Variants in FSHR observed in about 807,000 individuals in gnomAD.
FSHR encodes the protein follicle-stimulating hormone receptor.
A neutral mutation model predicts 52.1 loss-of-function variants in FSHR; 46 were observed. The observed-to-expected ratio is 0.88, with a 90% CI of 0.70 to 1.13. The LOEUF (loss-of-function observed/expected upper bound fraction) is 1.13. Among genes scored for constraint, FSHR ranks in the 50% most tolerant of loss-of-function variants. The probability of loss-of-function intolerance (pLI) is 0.00; values close to 1 mark genes in which losing one functional copy is unlikely to be tolerated. For missense variants in FSHR, 964 were observed against 834.6 expected, an observed-to-expected ratio of 1.16 and a Z score of -1.91; for synonymous variants, 399 against 309.6, an observed-to-expected ratio of 1.29 and a Z score of -3.03.
At chr2:49,059,069 G>C (rs764041898) in intron 2 of FSHR, among the ~76,000 whole-genome samples, 1 of 152,026 alleles carries the variant, frequency 6.6e-6, no homozygotes, top group African/African-American at 2.4e-5. Flanking sequence ...GCTGAGTATG[G>C]TGGCACATGC....
rs1300871282 is a variant in FSHR, at chr2:48,963,980, A to G, written c.855-14T>C. ...TGAAGCTCAGAGCTAGAAAAATACAAAAAGAAATAGAATCAACATCTCAGA... is the reference window on the plus strand; with the variant it reads ...TGAAGCTCAGAGCTAGAAAAATACAGAAAGAAATAGAATCAACATCTCAGA... On this transcript the variant is annotated splice_polypyrimidine_tract_variant and intron_variant, in intron 9 of 9. Coordinates refer to ENST00000406846, the MANE Select transcript of FSHR (RefSeq NM_000145.4). 6.2e-7 allele frequency: 1 copy of G among 1,609,596 alleles called. No homozygotes were observed. Among genetic ancestry groups the G allele is most frequent in the Non-Finnish European group, 8.5e-7 (1 of 1,178,980 alleles).
chr2:48,977,987 T>C (rs936730338), intron 8 of FSHR, among the ~76,000 whole-genome samples: 14 of 152,218 alleles, frequency 9.2e-5, no homozygotes, highest in Admixed American at 9.2e-4. Flanking sequence ...ACACATGCTA[T>C]ATTCAGATAG....
At chr2:49,112,247 A>G (rs558711075) in intron 1 of FSHR, among the ~76,000 whole-genome samples, 2 of 152,336 alleles carry the variant, frequency 1.3e-5, no homozygotes, top group South Asian at 4.1e-4. Context: ...ATGCATTATT[A>G]TAAGACAGTG....
Position 48,962,538 on chromosome 2 carries a change from A to AC in FSHR, c.*194_*195insG. ...TACAGTATTGCATTCTTTAATTATT[A>AC]TTGTTGTTACTAATAATTCAGCTTC... On this transcript the variant is annotated 3_prime_UTR_variant, in exon 10 of 10. Transcript: ENST00000406846. 3.3e-6 allele frequency: 2 copies of AC among 606,874 alleles called. No individual in the cohort carries two copies. The highest frequency in any genetic ancestry group is 3.9e-5 in the South Asian group (2 of 50,930). The allele number at this position is 606,874 out of a possible 1,614,324, so 37.6% of individuals were successfully genotyped here.
intron 2 of FSHR, among the ~76,000 whole-genome samples, chr2:49,054,647 C>T (rs112363823): frequency 3.3e-4 from 51 of 152,264 alleles, no homozygotes; most frequent in East Asian, 7.7e-4. Context: ...AGTTGGCCAA[C>T]GCACTGTGTG....
intron 4 of FSHR, among the ~76,000 whole-genome samples, chr2:49,012,182 C>T (rs957040230): frequency 6.6e-6 from 1 of 152,090 alleles, no homozygotes; most frequent in Non-Finnish European, 1.5e-5. Flanking sequence ...AGAGAAACAT[C>T]CAGCTGCCTG....
chr2:49,129,795 C>T (rs187661722), intron 1 of FSHR, among the ~76,000 whole-genome samples: 26 of 152,262 alleles, frequency 1.7e-4, no homozygotes, highest in Admixed American at 7.8e-4. Flanking sequence ...AATCCTGACG[C>T]GCCTTCAAAA....
intron 2 of FSHR, among the ~76,000 whole-genome samples, chr2:49,032,380 AT>A (rs2104258634): frequency 6.6e-6 from 1 of 152,214 alleles, no homozygotes; most frequent in East Asian, 1.9e-4. Context: ...CAGGCTCTCA[AT>A]TTTTATTTAG....
chr2:49,001,218 C>A (rs917292552), intron 4 of FSHR, among the ~76,000 whole-genome samples: 3 of 152,080 alleles, frequency 2.0e-5, no homozygotes, highest in Non-Finnish European at 4.4e-5. Context: ...GTATTAAAGT[C>A]ATTTAACGCT....
chr2:49,151,084 G>T (rs981489083), intron 1 of FSHR, among the ~76,000 whole-genome samples: 1 of 150,862 alleles, frequency 6.6e-6, no homozygotes, highest in Admixed American at 6.6e-5. Context: ...GTGAGTAGTT[G>T]CAAGAAGTGG....
intron 2 of FSHR, among the ~76,000 whole-genome samples, chr2:49,032,402 C>A (rs1668131070): frequency 6.6e-6 from 1 of 152,124 alleles, no homozygotes; most frequent in South Asian, 2.1e-4. Context: ...TTGGAGGGAG[C>A]AAGAATTAAC....
rs377397067 is a variant in FSHR, at chr2:49,068,224, C to T, written c.219G>A (p.Glu73=). 1.3e-5 allele frequency: 21 copies of T among 1,610,232 alleles called. No homozygotes were observed. Among genetic ancestry groups the T allele is most frequent in the Non-Finnish European group, 1.8e-5 (21 of 1,178,228 alleles). ...KGAFSGFGDL[E]KIEISQNDVL... is the part of the protein sequence containing the mutation. ...CAGCAGTGCTAGGTACATACATTTT[C>T]TCCAGGTCCCCAAATCCTGAAAATG... The change falls in exon 2 of 10, where the codon GAG becomes GAA. Residue 73 remains glutamate, a synonymous_variant. Coordinates refer to ENST00000406846, the MANE Select transcript of FSHR (RefSeq NM_000145.4).
intron 2 of FSHR, among the ~76,000 whole-genome samples, chr2:49,031,486 G>A (rs751728643): frequency 1.3e-5 from 2 of 151,920 alleles, no homozygotes; most frequent in Admixed American, 6.6e-5. Flanking sequence ...TTTTCAACAC[G>A]TAAAGTAACA....
intron 4 of FSHR, among the ~76,000 whole-genome samples, chr2:49,009,440 T>C (rs1217291599): frequency 6.6e-6 from 1 of 150,946 alleles, no homozygotes; most frequent in East Asian, 2.0e-4. Context: ...CCTTGTAGTA[T>C]AGTTTGAAGT....
chr2:49,096,830 TAGTG>T (rs1191345107), intron 1 of FSHR, among the ~76,000 whole-genome samples: 4 of 152,162 alleles, frequency 2.6e-5, no homozygotes, highest in Non-Finnish European at 5.9e-5. Context: ...GTCCTTGTGA[TAGTG>T]AGTAAGTTCT....
chr2:49,150,490 A>G (rs1296541284), intron 1 of FSHR, among the ~76,000 whole-genome samples: 1 of 152,124 alleles, frequency 6.6e-6, no homozygotes, highest in Non-Finnish European at 1.5e-5. Context: ...TAACAACATG[A>G]GAGATATTGT....
At chr2:49,058,548 A>C (rs566784777) in intron 2 of FSHR, among the ~76,000 whole-genome samples, 2 of 152,092 alleles carry the variant, frequency 1.3e-5, no homozygotes, top group East Asian at 3.9e-4. Context: ...CTGTTTCAAC[A>C]CCCTCCTCCC....
intron 1 of FSHR, among the ~76,000 whole-genome samples, chr2:49,123,164 G>A (rs1671877589): frequency 6.6e-6 from 1 of 152,128 alleles, no homozygotes; most frequent in African/African-American, 2.4e-5. Flanking sequence ...TGTTTTAAAA[G>A]GAATCATGAT....
At chr2:49,092,737 C>A (rs1199071264) in intron 1 of FSHR, among the ~76,000 whole-genome samples, 1 of 152,062 alleles carries the variant, frequency 6.6e-6, no homozygotes, top group Non-Finnish European at 1.5e-5. Context: ...GTGATCTCGG[C>A]TCACTGCAAC....
Sources: gnomAD v4.1 joint callset for allele counts (sites outside exome capture counted in the v4.1 genomes callset) on GRCh38, gnomAD v4.1.1 for gene constraint, MANE v1.5 for transcripts, NCBI Gene and HGNC (gene_info 2026-07-23, HGNC 2026-07-21) for gene names.